TNRC6A: variants seen among roughly 807,000 people sequenced by gnomAD.
TNRC6A encodes the protein trinucleotide repeat-containing gene 6A protein.
A neutral mutation model predicts 221.2 loss-of-function variants in TNRC6A; 44 were observed. The observed-to-expected ratio is 0.20, with a 90% CI of 0.16 to 0.26. The LOEUF (loss-of-function observed/expected upper bound fraction) is 0.26. Among genes scored for constraint, TNRC6A ranks in the 10% least tolerant of loss-of-function variants. The pLI, the probability that TNRC6A is intolerant of heterozygous loss-of-function variation, is 1.00. For missense variants in TNRC6A, 2,199 were observed against 2,404.4 expected (o/e 0.91, Z 1.79); for synonymous variants, 847 against 838.5 (o/e 1.01, Z -0.18).
chr16:24,776,854 C>G, intron 4 of TNRC6A, 79 bp from the exon 5 acceptor site: 2 of 1,528,320 alleles, frequency 1.3e-6, no homozygotes, highest in Non-Finnish European at 1.8e-6. Context: ...TTCTTAGTGC[C>G]TTTGAATTTA....
At chr16:24,777,886 C>G (rs2057759287) in intron 5 of TNRC6A, among the ~76,000 whole-genome samples, 1 of 152,086 alleles carries the variant, frequency 6.6e-6, no homozygotes, top group African/African-American at 2.4e-5. Flanking sequence ...CTTCTCTGAG[C>G]TTGGTAGTGA....
chr16:24,717,993 G>T (rs980642519), intron 2 of TNRC6A, among the ~76,000 whole-genome samples: 5 of 151,958 alleles, frequency 3.3e-5, no homozygotes, highest in Non-Finnish European at 7.4e-5. Flanking sequence ...GGCCAGGCTG[G>T]TCTCGAACTC....
chr16:24,819,428 CTTT>C (rs2058720604), intron 21 of TNRC6A, among the ~76,000 whole-genome samples: 1 of 151,558 alleles, frequency 6.6e-6, no homozygotes, highest in Non-Finnish European at 1.5e-5. Context: ...CTGTCTTTTT[CTTT>C]CTTCCTTCCT....
At chr16:24,676,784 T>C (rs1302165043) in intron 2 of TNRC6A, among the ~76,000 whole-genome samples, 2 of 152,116 alleles carry the variant, frequency 1.3e-5, no homozygotes, top group Non-Finnish European at 2.9e-5. Context: ...CTGCATTTGA[T>C]CACTCTCCTT....
At chr16:24,723,974 G>A (rs2056453562) in intron 2 of TNRC6A, among the ~76,000 whole-genome samples, 1 of 152,142 alleles carries the variant, frequency 6.6e-6, no homozygotes, top group South Asian at 2.1e-4. Context: ...ATCTTCTAGT[G>A]TAGACCTCTT....
chr16:24,699,244 C>T (rs1433679420), intron 2 of TNRC6A, among the ~76,000 whole-genome samples: 1 of 152,138 alleles, frequency 6.6e-6, no homozygotes, highest in Non-Finnish European at 1.5e-5. Context: ...CTATTCGTGC[C>T]TCCACAGACT....
rs552093690 is a variant in TNRC6A, at chr16:24,638,690, G to T, written n.277-2194G>T. On this transcript the variant is annotated intron_variant and non_coding_transcript_variant, in intron 1 of 2. Coordinates refer to the TNRC6A transcript ENST00000566108. ...ACCGCACCATTGCACTCCAGCCTGG[G>T]CAACAGAGCAAGGTTGTCTCAAAAA... Among the ~76,000 whole-genome samples, 27 of 149,954 alleles carry T rather than the reference G, an allele frequency of 1.8e-4. No individual in the cohort carries two copies. The South Asian group carries it at 5.3e-3, about 30-fold the overall frequency.
At chr16:24,815,795 G>A (rs932124776) in intron 19 of TNRC6A, 4 of 167,622 alleles carry the variant, frequency 2.4e-5, no homozygotes, top group Non-Finnish European at 5.3e-5. Flanking sequence ...AGAGCTTGCA[G>A]TGAGCCGAAA....
At chr16:24,733,859 C>A (rs1383839850) in intron 2 of TNRC6A, among the ~76,000 whole-genome samples, 1 of 152,112 alleles carries the variant, frequency 6.6e-6, no homozygotes, top group African/African-American at 2.4e-5. Context: ...GCGATGGAGG[C>A]CTGAATTGAA....
chr16:24,727,321 G>T (rs547929640), upstream of TNRC6A, among the ~76,000 whole-genome samples: 161 of 152,194 alleles, frequency 1.1e-3, 1 homozygote, highest in African/African-American at 3.7e-3. Flanking sequence ...GAGCCACCGC[G>T]CCTGGCCAAG....
At chr16:24,711,129 C>T (rs2056197974) in intron 2 of TNRC6A, among the ~76,000 whole-genome samples, 1 of 152,130 alleles carries the variant, frequency 6.6e-6, no homozygotes, top group Admixed American at 6.6e-5. Context: ...CCTGCCTCGG[C>T]CTCCCAAACT....
At chr16:24,813,518 A>G (rs920477090) in intron 18 of TNRC6A, among the ~76,000 whole-genome samples, 2 of 152,128 alleles carry the variant, frequency 1.3e-5, no homozygotes, top group African/African-American at 4.8e-5. Flanking sequence ...ATTCTTTTTT[A>G]TGGTGGCCCT....
chr16:24,626,802 A>C (rs1901028418), intron 1 of TNRC6A, among the ~76,000 whole-genome samples: 2 of 151,332 alleles, frequency 1.3e-5, no homozygotes, highest in South Asian at 2.1e-4. Flanking sequence ...GGCACCCACC[A>C]CCACGCCCGG....
intron 1 of TNRC6A, among the ~76,000 whole-genome samples, chr16:24,629,172 G>A (rs1330371108): frequency 6.6e-6 from 1 of 151,916 alleles, no homozygotes; most frequent in African/African-American, 2.4e-5. Flanking sequence ...TTGCTAAATT[G>A]TAAATGTGAC....
intron 1 of TNRC6A, among the ~76,000 whole-genome samples, chr16:24,619,346 A>G (rs529285207): frequency 6.6e-6 from 1 of 152,350 alleles, no homozygotes; most frequent in Admixed American, 6.5e-5. Flanking sequence ...AGCTGCTATT[A>G]TAGATGCAAT....
At chr16:24,816,610 T>C (rs2152079316) in intron 19 of TNRC6A, 1 of 559,596 alleles carries the variant, frequency 1.8e-6, no homozygotes, top group Admixed American at 3.5e-5. Context: ...TGAGATGATT[T>C]CAGTTGTAAA....
chr16:24,677,875 C>A (rs749889930), intron 2 of TNRC6A, among the ~76,000 whole-genome samples: 1 of 149,818 alleles, frequency 6.7e-6, no homozygotes, highest in Admixed American at 6.7e-5. Flanking sequence ...CCATTGCCCG[C>A]GTGGTTGCTG....
chr16:24,697,003 T>G (rs1028238079), intron 2 of TNRC6A, among the ~76,000 whole-genome samples: 4 of 151,930 alleles, frequency 2.6e-5, no homozygotes, highest in Non-Finnish European at 5.9e-5. Flanking sequence ...ATGAGTTCTG[T>G]TGTTCCGCAG....
chr16:24,696,086 C>A (rs1410799633), intron 2 of TNRC6A, among the ~76,000 whole-genome samples: 1 of 152,090 alleles, frequency 6.6e-6, no homozygotes, highest in African/African-American at 2.4e-5. Context: ...CGGTGGCTCG[C>A]CCCTGTAATC....
Sources: gnomAD v4.1 joint callset for allele counts (sites outside exome capture counted in the v4.1 genomes callset) on GRCh38, gnomAD v4.1.1 for gene constraint, MANE v1.5 for transcripts, NCBI Gene and HGNC (gene_info 2026-07-23, HGNC 2026-07-21) for gene names.